TGFBI: variants seen among roughly 807,000 people sequenced by gnomAD.
The protein encoded by TGFBI is transforming growth factor beta induced.
Under a neutral mutation model 73.7 loss-of-function variants are expected in TGFBI, and 50 were observed. The observed-to-expected ratio is 0.68, with a 90% CI of 0.54 to 0.86. The LOEUF is 0.86. Among genes scored for constraint, TGFBI ranks in the 40% least tolerant of loss-of-function variants. The pLI is 0.00. For missense variants in TGFBI, 839 were observed against 877.0 expected, an observed-to-expected ratio of 0.96 and a Z score of 0.55; for synonymous variants, 362 against 360.5, an observed-to-expected ratio of 1.00 and a Z score of -0.05.
rs201554996 is a variant in TGFBI at position 136,062,681 on chromosome 5, C to T, written c.2005C>T (p.Arg669Ter). The change falls in exon 16 of 17, where the codon CGA becomes TGA. Residue 669 changes from arginine to a stop codon, truncating the protein, a stop_gained. Coordinates refer to ENST00000442011, the MANE Select transcript of TGFBI (RefSeq NM_000358.3). LOFTEE classifies it high-confidence loss of function. Reference sequence around the variant, plus strand: ...CTTTCAGGCTTCCCAGAGGTCTGTGCGACTAGGTGAGTCTGGTCTGGGTTT... The same window carrying T: ...CTTTCAGGCTTCCCAGAGGTCTGTGTGACTAGGTGAGTCTGGTCTGGGTTT... The part of the protein sequence containing the change: ...AFSRASQRSV[R>*]LAPVYQKLLE... 111 of 1,567,774 alleles carry T rather than the reference C, an allele frequency of 7.1e-5. No individual in the cohort carries two copies. The highest frequency in any genetic ancestry group is 9.0e-5 in the Non-Finnish European group (104 of 1,154,662).
At position 136,063,670 on chromosome 5, in the gene TGFBI, G is replaced by T; in HGVS notation, c.*444G>T. The T allele has an allele frequency of 6.1e-6, 1 of 164,694 alleles. No homozygotes were observed. Among genetic ancestry groups the T allele is most frequent in the South Asian group, 1.8e-4 (1 of 5,602 alleles). 10.2% of individuals were successfully genotyped at this position (164,694 alleles called of 1,614,324 possible). A position where few individuals can be genotyped will look rare whatever the true frequency, so the allele number is the denominator to read the frequency against. Reference sequence around the variant, plus strand: ...ATCATTATAAGCTATGAGTTGAAATGTTCTGTCAAATGTGTCTCACATCTA... The same window carrying T: ...ATCATTATAAGCTATGAGTTGAAATTTTCTGTCAAATGTGTCTCACATCTA... On this transcript the variant is annotated 3_prime_UTR_variant, in exon 17 of 17. Transcript: ENST00000442011.
chr5:136,036,491 A>C (rs1751223109), intron 2 of TGFBI, among the ~76,000 whole-genome samples: 1 of 152,226 alleles, frequency 6.6e-6, no homozygotes, highest in South Asian at 2.1e-4. Flanking sequence ...CAGAGAACTC[A>C]GAGAGAGGAA....
chr5:136,038,076 G>T (rs1751262781), intron 2 of TGFBI, among the ~76,000 whole-genome samples: 1 of 152,192 alleles, frequency 6.6e-6, no homozygotes, highest in African/African-American at 2.4e-5. Context: ...TGCTCTGGGG[G>T]CACTGAGATT....
intron 2 of TGFBI, 38 bp from the exon 3 acceptor site, chr5:136,044,020 A>AGCCCT: frequency 6.3e-7 from 1 of 1,584,230 alleles, no homozygotes; most frequent in Non-Finnish European, 8.7e-7. Context: ...GGAACAGTGA[A>AGCCCT]GCCCTGCCTA....
chr5:136,031,061 G>A (rs1394583301), intron 1 of TGFBI, among the ~76,000 whole-genome samples: 1 of 152,194 alleles, frequency 6.6e-6, no homozygotes, highest in East Asian at 1.9e-4. Flanking sequence ...TGCAGGCAAA[G>A]CCTCTTAATT....
chr5:136,044,166 G>A lies in TGFBI; in HGVS notation c.298+44G>A, dbSNP rs373032754. 25 of 1,532,380 alleles carry A rather than the reference G, an allele frequency of 1.6e-5. No homozygotes were observed. The African/African-American group carries it at 2.5e-4, about 15-fold the overall frequency. 94.9% of individuals were successfully genotyped at this position (1,532,380 alleles called of 1,614,324 possible). A position where few individuals can be genotyped will look rare whatever the true frequency, so the allele number is the denominator to read the frequency against. On this transcript the variant is annotated intron_variant, in intron 3 of 16. Transcript: ENST00000442011. ...CCTTGCCTGTTGGTGTGGGTGGAAG[G>A]GAATGGTGGGAGAGAGGAGTACCCA...
rs547659315 is a variant in TGFBI, at chr5:136,061,417, C to A, written c.1907-83C>A. ...TTGGAAATGTGAGCCAGAAAGCCCA[C>A]CAGTGCCCCTCAGTCACGGTTGTTA... On this transcript the variant is annotated intron_variant, in intron 14 of 16. Transcript: ENST00000442011. 11 of 974,376 alleles carry A rather than the reference C, an allele frequency of 1.1e-5. No individual in the cohort carries two copies. The East Asian group carries it at 2.4e-4, about 21-fold the overall frequency. 60.4% of individuals were successfully genotyped at this position (974,376 alleles called of 1,614,324 possible). A position where few individuals can be genotyped will look rare whatever the true frequency, so the allele number is the denominator to read the frequency against.
In TGFBI at chr5:136,034,763, G is replaced by A. The variant is rs566796612; in HGVS notation, c.233+902G>A. Among the ~76,000 whole-genome samples, 107 of 152,254 alleles carry A rather than the reference G, an allele frequency of 7.0e-4. 1 individual carries two copies. Among genetic ancestry groups the A allele is most frequent in the African/African-American group, 2.6e-3 (106 of 41,552 alleles). On this transcript the variant is annotated intron_variant, in intron 2 of 16. Transcript: ENST00000442011. ...TTTGGCACTGTCAACAGATCTCAAAGCTGGCTGTCTCCTATAGCTAGGAAG... is the reference window on the plus strand; with the variant it reads ...TTTGGCACTGTCAACAGATCTCAAAACTGGCTGTCTCCTATAGCTAGGAAG...
chr5:136,045,547 A>AAAATAAAT lies in TGFBI; in HGVS notation c.299-767_299-760dup, dbSNP rs148066214. On this transcript the variant is annotated intron_variant, in intron 3 of 16. Coordinates refer to ENST00000442011, the MANE Select transcript of TGFBI (RefSeq NM_000358.3). ...GCAAGAAGAGCAAAACTCCATCTCA[A>AAAATAAAT]AAATAAATAAATAAATAAATAAATA... 7.9e-5 allele frequency among the ~76,000 whole-genome samples: 12 copies of AAAATAAAT among 152,072 alleles called. No individual in the cohort carries two copies. In the South Asian group the frequency reaches 2.1e-3, roughly 26 times the overall value.
chr5:136,032,768 G>A (rs1478338462), intron 1 of TGFBI, among the ~76,000 whole-genome samples: 2 of 152,090 alleles, frequency 1.3e-5, no homozygotes, highest in Non-Finnish European at 2.9e-5. Context: ...TGACCACGTA[G>A]CACAGCAGCT....
intron 12 of TGFBI, 119 bp downstream of exon 12, chr5:136,056,914 T>A: frequency 7.6e-7 from 1 of 1,312,334 alleles, no homozygotes; most frequent in Non-Finnish European, 1.0e-6. Context: ...ACAAGACTAT[T>A]AGTGAAAGAG....
At chr5:136,058,809 C>G (rs1341591496) in intron 12 of TGFBI, 15 of 308,040 alleles carry the variant, frequency 4.9e-5, no homozygotes, top group Middle Eastern at 9.1e-4. Flanking sequence ...TCTCAGCAGC[C>G]AGGGAGCCCA....
In TGFBI at chr5:136,044,121, A is replaced by G; in HGVS notation, c.297A>G (p.Ala99=). The G allele has an allele frequency of 6.2e-7, 1 of 1,612,636 alleles. No homozygotes were observed. Among genetic ancestry groups the G allele is most frequent in the Non-Finnish European group, 8.5e-7 (1 of 1,179,044 alleles). The change falls in exon 3 of 17, where the codon GCA becomes GCG. Residue 99 remains alanine (A), a splice_region_variant and synonymous_variant. Coordinates refer to ENST00000442011, the MANE Select transcript of TGFBI (RefSeq NM_000358.3). The part of the protein sequence containing the change: ...EKVPGEKGCP[A]ALPLSNLYET... ...TCCCTGGGGAGAAGGGCTGTCCAGC[A>G]GGTGAATGAATCCTCCGGGCCTTGC...
intron 7 of TGFBI, 85 bp downstream of exon 7, chr5:136,049,665 C>T (rs1249153217): frequency 6.7e-7 from 1 of 1,487,648 alleles, no homozygotes; most frequent in Admixed American, 2.0e-5. Context: ...ATGAACATAC[C>T]ACCTGCCATG....
chr5:136,030,205 G>A (rs567087074), intron 1 of TGFBI, among the ~76,000 whole-genome samples: 1 of 152,190 alleles, frequency 6.6e-6, no homozygotes, highest in Admixed American at 6.5e-5. Context: ...TACCATCGGG[G>A]TCTGGCGTTC....
chr5:136,035,624 C>CA (rs1191524920), intron 2 of TGFBI, among the ~76,000 whole-genome samples: 10,649 of 71,076 alleles, frequency 0.15, 1,007 homozygotes, highest in African/African-American at 0.31. Flanking sequence ...GACACCGTCT[C>CA]AAAAAAAAAA....
At chr5:136,062,829 G>A (rs1751774896) in intron 16 of TGFBI, 142 bp downstream of exon 16, 1 of 865,564 alleles carries the variant, frequency 1.2e-6, no homozygotes, top group Non-Finnish European at 1.8e-6. Flanking sequence ...CAGAACAGCA[G>A]GGTGACTTGG....
At position 136,053,021 on chromosome 5, in the gene TGFBI, T is replaced by A. The variant is rs770981462; in HGVS notation, c.1028T>A (p.Met343Lys). ...CTGGAGGTGGGCTGCAGCGGGGACATGCTCACTATCAACGGGAAGGCGATC... is the reference window on the plus strand; with the variant it reads ...CTGGAGGTGGGCTGCAGCGGGGACAAGCTCACTATCAACGGGAAGGCGATC... ...TTLEVGCSGD[M>K]LTINGKAIIS... Residue 343 changes from methionine to lysine, a missense_variant, in exon 8 of 17, where the codon ATG becomes AAG. Coordinates refer to ENST00000442011, the MANE Select transcript of TGFBI (RefSeq NM_000358.3). The A allele has an allele frequency of 3.1e-6, 5 of 1,614,050 alleles. No homozygotes were observed. Among genetic ancestry groups the A allele is most frequent in the Middle Eastern group, 1.6e-4 (1 of 6,062 alleles).
At chr5:136,062,239 G>A (rs1432756076) in intron 15 of TGFBI, among the ~76,000 whole-genome samples, 2 of 152,166 alleles carry the variant, frequency 1.3e-5, no homozygotes, top group African/African-American at 4.8e-5. Context: ...ACTTCAAGAG[G>A]AGAGGCTGCA....
Sources: allele counts gnomAD v4.1 joint callset (sites outside exome capture counted in the v4.1 genomes callset), GRCh38; gene constraint gnomAD v4.1.1; transcripts MANE v1.5; gene names NCBI Gene and HGNC (gene_info 2026-07-23, HGNC 2026-07-21).